The following HNF4G variants were observed in gnomAD, a reference collection of about 807,000 sequenced individuals.
HNF4G encodes the protein hepatocyte nuclear factor 4 gamma, also known as hepatocyte nuclear factor 4-gamma.
A neutral mutation model predicts 50.9 loss-of-function variants in HNF4G; 21 were observed. The observed-to-expected ratio is 0.41, with a 90% CI of 0.29 to 0.59. The LOEUF is 0.59. Among genes scored for constraint, HNF4G ranks in the 20% least tolerant of loss-of-function variants. The pLI is 0.26. For missense variants in HNF4G, 527 were observed against 559.4 expected (o/e 0.94, Z 0.58); for synonymous variants, 198 against 185.6 (o/e 1.07, Z -0.54).
intron 2 of HNF4G, among the ~76,000 whole-genome samples, chr8:75,500,722 A>G (rs1353717397): frequency 6.6e-6 from 1 of 152,188 alleles, no homozygotes; most frequent in African/African-American, 2.4e-5. Context: ...AACATGGATT[A>G]GCCTTGAAAA....
chr8:75,486,566 G>A (rs1563525123), intron 1 of HNF4G, among the ~76,000 whole-genome samples: 1 of 152,156 alleles, frequency 6.6e-6, no homozygotes, highest in African/African-American at 2.4e-5. Flanking sequence ...AATTACTATA[G>A]TTCTTTTGTA....
intron 2 of HNF4G, among the ~76,000 whole-genome samples, chr8:75,508,643 T>C (rs1805667465): frequency 6.6e-6 from 1 of 152,128 alleles, no homozygotes; most frequent in Non-Finnish European, 1.5e-5. Context: ...ACTCAAGTAT[T>C]GACAATAACA....
chr8:75,514,354 C>CTTTTTTTTTTCTT (rs1805837081), intron 2 of HNF4G, among the ~76,000 whole-genome samples: 8 of 125,024 alleles, frequency 6.4e-5, no homozygotes, highest in East Asian at 4.6e-4. Context: ...TTTCTTCTTT[C>CTTTTTTTTTTCTT]TTTTTTTTTT....
At chr8:75,481,759 T>C (rs1382933287) in intron 1 of HNF4G, among the ~76,000 whole-genome samples, 1 of 152,106 alleles carries the variant, frequency 6.6e-6, no homozygotes, top group African/African-American at 2.4e-5. Flanking sequence ...AAATTATGCA[T>C]CTAAATTTTC....
chr8:75,456,120 C>A (rs1230987785), intron 1 of HNF4G, among the ~76,000 whole-genome samples: 1 of 151,996 alleles, frequency 6.6e-6, no homozygotes, highest in African/African-American at 2.4e-5. Flanking sequence ...ATTTTATAAA[C>A]CTGTCCAGAG....
intron 1 of HNF4G, among the ~76,000 whole-genome samples, chr8:75,469,038 G>C (rs1314942065): frequency 6.6e-6 from 1 of 152,144 alleles, no homozygotes; most frequent in Non-Finnish European, 1.5e-5. Context: ...TACTTAAAAG[G>C]CTGTAATAAT....
intron 1 of HNF4G, among the ~76,000 whole-genome samples, chr8:75,469,569 C>A (rs7816141): frequency 0.12 from 18,634 of 152,070 alleles, 1,560 homozygotes; most frequent in African/African-American, 0.24. Context: ...GTAGAAGTGG[C>A]AGAAGACAGA....
At position 75,508,207 on chromosome 8, in the gene HNF4G, C is replaced by T. The variant is rs183538276; in HGVS notation, c.-24+17999C>T. 2.6e-3 allele frequency among the ~76,000 whole-genome samples: 398 copies of T among 151,990 alleles called. 2 individuals are homozygous for T. The highest frequency in any genetic ancestry group is 4.4e-3 in the Non-Finnish European group (299 of 67,934). ...TCCAGCACAGGCAGGGAGATTGGGC[C>T]GGGAGCTCCTTTCCTCTACTCTCTG... On this transcript the variant is annotated intron_variant, in intron 2 of 10. Transcript: ENST00000354370.
intron 2 of HNF4G, among the ~76,000 whole-genome samples, chr8:75,534,738 T>C (rs1341024720): frequency 6.6e-6 from 1 of 151,844 alleles, no homozygotes; most frequent in Non-Finnish European, 1.5e-5. Flanking sequence ...ATGGCATTTT[T>C]TAGTAGTGAT....
chr8:75,461,148 T>G (rs978912576), intron 1 of HNF4G, among the ~76,000 whole-genome samples: 2 of 152,174 alleles, frequency 1.3e-5, no homozygotes, highest in African/African-American at 2.4e-5. Context: ...ACGAACTGAG[T>G]GTTGTGAACA....
chr8:75,452,644 G>A (rs1318425171), intron 1 of HNF4G, among the ~76,000 whole-genome samples: 3 of 149,712 alleles, frequency 2.0e-5, no homozygotes, highest in Non-Finnish European at 3.0e-5. Flanking sequence ...GCGTGAACCC[G>A]GGAGGCGGAG....
chr8:75,508,546 G>C (rs1805663092), intron 2 of HNF4G, among the ~76,000 whole-genome samples: 1 of 152,088 alleles, frequency 6.6e-6, no homozygotes, highest in Non-Finnish European at 1.5e-5. Flanking sequence ...AAAAGCTATT[G>C]AAACCTCGTT....
chr8:75,532,024 T>C (rs926622553), intron 2 of HNF4G, among the ~76,000 whole-genome samples: 2 of 152,252 alleles, frequency 1.3e-5, no homozygotes, highest in Middle Eastern at 6.8e-3. Flanking sequence ...TCATCTTCAC[T>C]ATTCTTTCAT....
chr8:75,523,815 G>C (rs546771018), intron 2 of HNF4G, among the ~76,000 whole-genome samples: 8 of 151,824 alleles, frequency 5.3e-5, no homozygotes, highest in African/African-American at 1.7e-4. Flanking sequence ...TAACTGATGA[G>C]AAACAAATAA....
intron 3 of HNF4G, among the ~76,000 whole-genome samples, chr8:75,550,085 G>A (rs1806903414): frequency 6.6e-6 from 1 of 152,028 alleles, no homozygotes; most frequent in Non-Finnish European, 1.5e-5. Context: ...TTAATAGTAA[G>A]TTTTAGGTCT....
chr8:75,552,090 C>T lies in HNF4G; in HGVS notation c.489+596C>T, dbSNP rs546416247. 1.9e-4 allele frequency among the ~76,000 whole-genome samples: 29 copies of T among 152,274 alleles called. No homozygotes were observed. The South Asian group carries it at 2.5e-3, about 13-fold the overall frequency. Reference sequence around the variant, plus strand: ...TAAAGAAATCCTTAAATCAAACTTACTTTAGCATTGCCCTTATTAGAAATG... The same window carrying T: ...TAAAGAAATCCTTAAATCAAACTTATTTTAGCATTGCCCTTATTAGAAATG... On this transcript the variant is annotated intron_variant, in intron 4 of 9. Transcript: ENST00000396423.
At chr8:75,417,929 A>G (rs1810681043) in intron 1 of HNF4G, among the ~76,000 whole-genome samples, 1 of 151,752 alleles carries the variant, frequency 6.6e-6, no homozygotes, top group South Asian at 2.1e-4. Context: ...TAAATTTTGA[A>G]TACTTAGTTA....
intron 2 of HNF4G, among the ~76,000 whole-genome samples, chr8:75,492,578 C>T (rs1242498956): frequency 6.6e-6 from 1 of 152,202 alleles, no homozygotes; most frequent in African/African-American, 2.4e-5. Context: ...TTACATAACA[C>T]TTGCACATAA....
At chr8:75,490,458 C>A (rs1390739082) in intron 2 of HNF4G, among the ~76,000 whole-genome samples, 1 of 152,114 alleles carries the variant, frequency 6.6e-6, no homozygotes, top group Non-Finnish European at 1.5e-5. Flanking sequence ...TGATCTATTG[C>A]TTATAAAATA....
Sources: gnomAD v4.1 joint callset for allele counts (sites outside exome capture counted in the v4.1 genomes callset) on GRCh38, gnomAD v4.1.1 for gene constraint, MANE v1.5 for transcripts, NCBI Gene and HGNC (gene_info 2026-07-23, HGNC 2026-07-21) for gene names.